Variants in LSAMP observed in about 807,000 individuals in gnomAD.
The protein encoded by LSAMP is limbic system-associated membrane protein.
In LSAMP, 7 loss-of-function variants were observed where a neutral mutation model predicts 38.6. The ratio of observed to expected loss-of-function variants is 0.18; its 90% confidence interval spans 0.10 to 0.34. The LOEUF is 0.34. LSAMP is among the 10% of genes least tolerant of loss of function. The pLI is 1.00. For missense variants in LSAMP, 313 were observed against 420.0 expected (o/e 0.75, Z 2.23); for synonymous variants, 154 against 166.8 (o/e 0.92, Z 0.59).
At chr3:116,410,258 G>A (rs572160659) in intron 1 of LSAMP, among the ~76,000 whole-genome samples, 3 of 152,066 alleles carry the variant, frequency 2.0e-5, no homozygotes, top group Admixed American at 1.3e-4. Flanking sequence ...TAAGACTCCT[G>A]ATTCTTGACC....
intron 1 of LSAMP, among the ~76,000 whole-genome samples, chr3:116,395,866 T>C (rs189649328): frequency 2.3e-4 from 35 of 152,310 alleles, no homozygotes; most frequent in African/African-American, 7.2e-4. Context: ...AGCAAAAAGA[T>C]ATATATTGCC....
chr3:115,888,139 A>ATTTATATATACAATTTATATAT (rs1936503904), intron 3 of LSAMP, among the ~76,000 whole-genome samples: 1 of 151,934 alleles, frequency 6.6e-6, no homozygotes, highest in Non-Finnish European at 1.5e-5. Flanking sequence ...ATGTGTGTAT[A>ATTTATATATACAATTTATATAT]ACTATTTATA....
intron 3 of LSAMP, among the ~76,000 whole-genome samples, chr3:115,964,083 A>G (rs1038419509): frequency 2.6e-5 from 4 of 152,278 alleles, no homozygotes; most frequent in African/African-American, 9.6e-5. Context: ...TGCCATCTCA[A>G]TTACTAGAGT....
In LSAMP at chr3:116,066,907, A is replaced by AT. The variant is rs540761030; in HGVS notation, c.388+19416dup. On this transcript the variant is annotated intron_variant, in intron 2 of 6. Transcript: ENST00000490035. Reference sequence around the variant, plus strand: ...CTTTTTATCCAATGTGCCTGCCCCCATTTTTTTTTGCAAATAAGTATTCTA... The same window carrying AT: ...CTTTTTATCCAATGTGCCTGCCCCCATTTTTTTTTTGCAAATAAGTATTCTA... Among the ~76,000 whole-genome samples the AT allele has an allele frequency of 6.9e-3, 1,036 of 150,108 alleles. 15 individuals are homozygous for AT. The highest frequency in any genetic ancestry group is 0.023 in the African/African-American group (926 of 40,936).
intron 3 of LSAMP, among the ~76,000 whole-genome samples, chr3:116,009,919 T>G (rs1325231983): frequency 1.3e-5 from 2 of 152,156 alleles, no homozygotes; most frequent in South Asian, 2.1e-4. Flanking sequence ...GTGTTTTGTT[T>G]TGTTGTTGTT....
chr3:115,902,279 A>G (rs1235091726), intron 3 of LSAMP, among the ~76,000 whole-genome samples: 5 of 152,082 alleles, frequency 3.3e-5, no homozygotes, highest in Non-Finnish European at 7.4e-5. Flanking sequence ...GAAAATGATA[A>G]TAAAGATAAG....
At chr3:116,072,752 G>GTTTTTTTTTTTT (rs36091421) in intron 2 of LSAMP, among the ~76,000 whole-genome samples, 5 of 112,340 alleles carry the variant, frequency 4.5e-5, no homozygotes, top group Admixed American at 9.3e-5. Flanking sequence ...GTTGTTTGTG[G>GTTTTTTTTTTTT]TTTTTTTTTT....
chr3:116,271,322 C>T (rs1262138415), intron 1 of LSAMP, among the ~76,000 whole-genome samples: 1 of 152,036 alleles, frequency 6.6e-6, no homozygotes, highest in African/African-American at 2.4e-5. Context: ...GAAAGTCCAG[C>T]TTCTCTTGTA....
At chr3:116,413,668 C>A (rs920972804) in intron 1 of LSAMP, among the ~76,000 whole-genome samples, 2 of 151,948 alleles carry the variant, frequency 1.3e-5, no homozygotes, top group African/African-American at 2.4e-5. Context: ...ATGCAGCAGG[C>A]GGAGAAAGGC....
chr3:116,113,412 A>T (rs1387075609), intron 1 of LSAMP, among the ~76,000 whole-genome samples: 62 of 68,458 alleles, frequency 9.1e-4, no homozygotes, highest in African/African-American at 3.0e-3. Flanking sequence ...ATATATATAT[A>T]TATATATATT....
At chr3:116,125,202 T>C (rs1165495425) in intron 1 of LSAMP, among the ~76,000 whole-genome samples, 1 of 152,172 alleles carries the variant, frequency 6.6e-6, no homozygotes, top group African/African-American at 2.4e-5. Flanking sequence ...TTCTGAAATG[T>C]CAACATATAA....
intron 1 of LSAMP, among the ~76,000 whole-genome samples, chr3:116,277,460 C>T (rs1205541615): frequency 6.6e-6 from 1 of 151,952 alleles, no homozygotes; most frequent in African/African-American, 2.4e-5. Flanking sequence ...CCTCCGTCTC[C>T]CAGGTGCACG....
intron 1 of LSAMP, among the ~76,000 whole-genome samples, chr3:116,411,193 T>C (rs911928867): frequency 7.2e-5 from 11 of 152,176 alleles, no homozygotes; most frequent in African/African-American, 2.6e-4. Flanking sequence ...GTAAACTAGT[T>C]CAACCATTGT....
intron 2 of LSAMP, among the ~76,000 whole-genome samples, chr3:116,077,519 C>T (rs555510249): frequency 6.6e-6 from 1 of 151,798 alleles, no homozygotes; most frequent in East Asian, 1.9e-4. Context: ...CTTAATTATG[C>T]TGTATTTAAT....
chr3:115,971,954 T>G (rs1939033382), intron 3 of LSAMP, among the ~76,000 whole-genome samples: 1 of 152,144 alleles, frequency 6.6e-6, no homozygotes, highest in Admixed American at 6.5e-5. Context: ...ATTTTCCACA[T>G]TTTTTGGCTA....
chr3:116,019,955 C>A (rs1197593542), intron 2 of LSAMP, among the ~76,000 whole-genome samples: 1 of 152,050 alleles, frequency 6.6e-6, no homozygotes, highest in African/African-American at 2.4e-5. Flanking sequence ...AGACAGCATG[C>A]ACATTTATGT....
chr3:116,264,288 T>G lies in LSAMP; in HGVS notation c.156-177732A>C, dbSNP rs2046867504. Among the ~76,000 whole-genome samples, 8 of 152,332 alleles carry G rather than the reference T, an allele frequency of 5.3e-5. No homozygotes were observed. The South Asian group carries it at 1.7e-3, about 32-fold the overall frequency. On this transcript the variant is annotated intron_variant, in intron 1 of 6. Transcript: ENST00000490035. ...CCCTCTGTTCTTCTTCCAGATTACATTCTTAATCTGGACTTTATTTTGTTC... is the reference window on the plus strand; with the variant it reads ...CCCTCTGTTCTTCTTCCAGATTACAGTCTTAATCTGGACTTTATTTTGTTC...
At chr3:116,221,730 C>A (rs1004948034) in intron 1 of LSAMP, among the ~76,000 whole-genome samples, 7 of 152,194 alleles carry the variant, frequency 4.6e-5, no homozygotes, top group African/African-American at 1.7e-4. Flanking sequence ...TGGTGTCTCA[C>A]TACTTCCATC....
chr3:116,341,665 C>T (rs62271413), intron 1 of LSAMP, among the ~76,000 whole-genome samples: 4 of 151,918 alleles, frequency 2.6e-5, no homozygotes, highest in Admixed American at 6.6e-5. Flanking sequence ...TATCAGTTTG[C>T]AATATGATAT....
Sources: allele counts gnomAD v4.1 joint callset (sites outside exome capture counted in the v4.1 genomes callset), GRCh38; gene constraint gnomAD v4.1.1; transcripts MANE v1.5; gene names NCBI Gene and HGNC (gene_info 2026-07-23, HGNC 2026-07-21).